Variants in TIMELESS observed in about 807,000 individuals in gnomAD.
The protein encoded by TIMELESS is timeless circadian regulator, also known as protein timeless homolog.
In TIMELESS, 124 loss-of-function variants were observed where a neutral mutation model predicts 164.3. The observed-to-expected ratio is 0.75, with a 90% CI of 0.65 to 0.88. The LOEUF is 0.88. TIMELESS is among the 40% of genes least tolerant of loss of function. The probability of loss-of-function intolerance (pLI) is 0.00; values close to 1 mark genes in which losing one functional copy is unlikely to be tolerated. For synonymous variants in TIMELESS, 564 were observed against 563.4 expected (o/e 1.00, Z -0.02); for missense variants, 1,422 against 1,491.4 (o/e 0.95, Z 0.77).
In TIMELESS at chr12:56,420,609, A is replaced by G. The variant is rs374080380; in HGVS notation, c.3188T>C (p.Leu1063Pro). 6.2e-7 allele frequency: 1 copy of G among 1,614,134 alleles called. No individual in the cohort carries two copies. Among genetic ancestry groups the G allele is most frequent in the Non-Finnish European group, 8.5e-7 (1 of 1,180,054 alleles). Residue 1063 changes from leucine (L) to proline (P), a missense_variant, in exon 26 of 29, where the codon CTG (leucine) becomes CCG (proline). Leu to Pro is a moderately conservative substitution (Grantham distance 98). Transcript: ENST00000553532. ...EAMENEQFQQ[L>P]LRKLGVRPPA... The stretch of plus-strand genomic sequence containing the variant: ...GGGCCGAACCCCTAGCTTGCGCAAC[A>G]GCTGCTGAAACTGTTCGTTTTCCAT...
At chr12:56,431,086 G>T in intron 8 of TIMELESS, 118 bp from the exon 9 acceptor site, 1 of 650,402 alleles carries the variant, frequency 1.5e-6, no homozygotes. Context: ...GGGCACGGTG[G>T]CTCACGCCTA....
At chr12:56,448,128 G>T (rs1406639951) in intron 1 of TIMELESS, among the ~76,000 whole-genome samples, 1 of 152,218 alleles carries the variant, frequency 6.6e-6, no homozygotes, top group Admixed American at 6.5e-5. Context: ...TAGTAGGGCC[G>T]GGTGTGGTGG....
chr12:56,448,724 G>C (rs973120298), intron 1 of TIMELESS, among the ~76,000 whole-genome samples: 1 of 151,666 alleles, frequency 6.6e-6, no homozygotes, highest in African/African-American at 2.4e-5. Context: ...ACGAGACTCC[G>C]TCTCAAAATA....
chr12:56,425,183 A>G (rs1215278967), intron 13 of TIMELESS, 31 bp from the exon 14 acceptor site: 1 of 1,566,560 alleles, frequency 6.4e-7, no homozygotes, highest in Non-Finnish European at 8.6e-7. Flanking sequence ...TAGGATGTCA[A>G]GAGAGCTAAA....
rs1484467410 is a variant in TIMELESS, at chr12:56,430,173, G to C, written c.1018C>G (p.Leu340Val). 1.9e-6 allele frequency: 3 copies of C among 1,614,004 alleles called. No individual in the cohort carries two copies. The Admixed American group carries it at 5.0e-5, about 27-fold the overall frequency. The stretch of plus-strand genomic sequence containing the variant: ...TCAGAGCAGAAGTCTCTGAGGAAGA[G>C]CCTCACATTGAGGGCAGAACGGCGC... ...IQRRSALNVR[L>V]FLRDFCSEFL... Residue 340 changes from leucine to valine, a missense_variant, in exon 10 of 29, where the codon CTC (leucine) becomes GTC (valine). Transcript: ENST00000553532.
chr12:56,428,745 C>T, intron 11 of TIMELESS, 93 bp from the exon 12 acceptor site: 1 of 1,449,748 alleles, frequency 6.9e-7, no homozygotes. Context: ...AAAAAATGTG[C>T]CACCCAAACT....
At chr12:56,447,422 T>C (rs1166680210) in intron 1 of TIMELESS, among the ~76,000 whole-genome samples, 2 of 152,134 alleles carry the variant, frequency 1.3e-5, no homozygotes, top group African/African-American at 2.4e-5. Context: ...CTTTACTAAA[T>C]TGAACTGAAA....
chr12:56,433,157 T>G lies in TIMELESS; in HGVS notation c.430-30A>C, dbSNP rs1280353644. The stretch of plus-strand genomic sequence containing the variant: ...CCAGAAGAGAGTAAGAGGAAGAGAC[T>G]CCCTGTGGAAGGCAGGCAGTATGTA... On this transcript the variant is annotated intron_variant, in intron 5 of 28. Coordinates refer to ENST00000553532, the MANE Select transcript of TIMELESS (RefSeq NM_003920.5). 4 of 1,604,516 alleles carry G rather than the reference T, an allele frequency of 2.5e-6. No individual in the cohort carries two copies. The East Asian group carries it at 8.9e-5, about 36-fold the overall frequency.
chr12:56,427,271 T>C (rs965349716), intron 13 of TIMELESS, among the ~76,000 whole-genome samples: 1 of 152,108 alleles, frequency 6.6e-6, no homozygotes, highest in Non-Finnish European at 1.5e-5. Context: ...TACAGGTGCG[T>C]GCCATCACAC....
chr12:56,442,708 C>T (rs973251779), intron 1 of TIMELESS, among the ~76,000 whole-genome samples: 16 of 152,264 alleles, frequency 1.1e-4, no homozygotes, highest in Admixed American at 3.3e-4. Context: ...AACCAAACGA[C>T]CCTCTATAGT....
At chr12:56,437,748 G>A (rs920164865) in intron 1 of TIMELESS, among the ~76,000 whole-genome samples, 1 of 152,156 alleles carries the variant, frequency 6.6e-6, no homozygotes, top group Non-Finnish European at 1.5e-5. Context: ...TTCAGGGCAA[G>A]TCATATGCAT....
intron 13 of TIMELESS, among the ~76,000 whole-genome samples, chr12:56,426,056 A>C (rs1881667022): frequency 6.6e-6 from 1 of 152,126 alleles, no homozygotes; most frequent in South Asian, 2.1e-4. Flanking sequence ...CTTACAATCA[A>C]ACACACCAAA....
chr12:56,446,046 T>C (rs141262664), intron 1 of TIMELESS, among the ~76,000 whole-genome samples: 2 of 152,238 alleles, frequency 1.3e-5, no homozygotes, highest in East Asian at 3.9e-4. Context: ...GCTGGGACTA[T>C]AGGGTACATC....
chr12:56,420,468 A>G (rs2136131625), intron 26 of TIMELESS, 101 bp downstream of exon 26: 2 of 874,278 alleles, frequency 2.3e-6, no homozygotes, highest in African/African-American at 2.8e-5. Flanking sequence ...CAAGATGACG[A>G]TAAGGATAAG....
Position 56,418,121 on chromosome 12 carries a change from G to A in TIMELESS, c.3454+13C>T, listed in dbSNP as rs199557714. The A allele has an allele frequency of 2.7e-5, 44 of 1,613,838 alleles. 1 individual carries two copies. The Middle Eastern group carries it at 9.9e-4, about 36-fold the overall frequency. Reference sequence around the variant, plus strand: ...ACACGTTAATACTCAGAAGATGGCTGTCGCACTATTACCCTCTGGGGATGC... The same window carrying A: ...ACACGTTAATACTCAGAAGATGGCTATCGCACTATTACCCTCTGGGGATGC... On this transcript the variant is annotated intron_variant, in intron 27 of 28. Transcript: ENST00000553532.
intron 13 of TIMELESS, among the ~76,000 whole-genome samples, chr12:56,427,322 C>T (rs572113019): frequency 3.9e-5 from 6 of 152,246 alleles, no homozygotes; most frequent in Non-Finnish European, 7.4e-5. Context: ...GGAGTTTTGT[C>T]ATGTTGCCCA....
intron 18 of TIMELESS, 138 bp downstream of exon 18, chr12:56,423,136 C>A (rs1881552344): frequency 7.2e-7 from 1 of 1,391,984 alleles, no homozygotes; most frequent in Non-Finnish European, 9.8e-7. Flanking sequence ...GCTCCCTCAA[C>A]CTGCCTGTCT....
At chr12:56,445,140 C>T (rs774667674) in intron 1 of TIMELESS, among the ~76,000 whole-genome samples, 1 of 151,804 alleles carries the variant, frequency 6.6e-6, no homozygotes, top group African/African-American at 2.4e-5. Context: ...TAAAAGAAAC[C>T]TAGGGCCAGG....
chr12:56,436,564 C>T (rs1353515642), intron 1 of TIMELESS, among the ~76,000 whole-genome samples: 2 of 152,180 alleles, frequency 1.3e-5, no homozygotes, highest in African/African-American at 4.8e-5. Context: ...GTGATTGATG[C>T]TATGCCAGAG....
Sources: gnomAD v4.1 joint callset for allele counts (sites outside exome capture counted in the v4.1 genomes callset) on GRCh38, gnomAD v4.1.1 for gene constraint, MANE v1.5 for transcripts, NCBI Gene and HGNC (gene_info 2026-07-23, HGNC 2026-07-21) for gene names.